The following CADM2 variants were observed in gnomAD, a reference collection of about 807,000 sequenced individuals.
The protein encoded by CADM2 is immunoglobulin superfamily member 4D.
A neutral mutation model predicts 49.8 loss-of-function variants in CADM2; 12 were observed. The observed-to-expected ratio is 0.24, with a 90% CI of 0.15 to 0.39. The LOEUF (loss-of-function observed/expected upper bound fraction) is 0.39. CADM2 is among the 10% of genes least tolerant of loss of function. The pLI is 1.00. For missense variants in CADM2, 378 were observed against 492.3 expected (o/e 0.77, Z 2.20); for synonymous variants, 214 against 175.4 (o/e 1.22, Z -1.74).
chr3:85,781,673 C>G (rs1218513908), intron 2 of CADM2, among the ~76,000 whole-genome samples: 1 of 152,050 alleles, frequency 6.6e-6, no homozygotes, highest in Non-Finnish European at 1.5e-5. Flanking sequence ...TTTGTTTAAC[C>G]AAAGACTGTT....
intron 1 of CADM2, among the ~76,000 whole-genome samples, chr3:85,234,659 TG>T (rs2042372285): frequency 6.6e-6 from 1 of 152,150 alleles, no homozygotes; most frequent in Non-Finnish European, 1.5e-5. Flanking sequence ...AATAGACACG[TG>T]GTAAATACTG....
chr3:85,425,404 TAC>T (rs1298117797), intron 1 of CADM2, among the ~76,000 whole-genome samples: 1 of 152,206 alleles, frequency 6.6e-6, no homozygotes, highest in African/African-American at 2.4e-5. Context: ...ATTTATGGGC[TAC>T]ACAGTGTTAT....
chr3:85,487,642 G>GGAGGAGGAGGACGAA (rs2107639434), intron 1 of CADM2, among the ~76,000 whole-genome samples: 1 of 76,430 alleles, frequency 1.3e-5, no homozygotes, highest in Non-Finnish European at 3.6e-5. Flanking sequence ...AGGACGAAGA[G>GGAGGAGGAGGACGAA]GAGGAGGAGG....
intron 1 of CADM2, among the ~76,000 whole-genome samples, chr3:85,695,354 C>T (rs1221470394): frequency 2.6e-5 from 4 of 151,968 alleles, no homozygotes; most frequent in Non-Finnish European, 5.9e-5. Context: ...CCATCTGAGT[C>T]TCCAATGTCC....
chr3:85,767,034 T>A (rs1462327529), intron 2 of CADM2, among the ~76,000 whole-genome samples: 1 of 152,220 alleles, frequency 6.6e-6, no homozygotes, highest in East Asian at 1.9e-4. Context: ...TTATCTACTA[T>A]TGTACCATAT....
intron 3 of CADM2, among the ~76,000 whole-genome samples, chr3:85,840,591 C>T (rs2074599572): frequency 6.6e-6 from 1 of 151,828 alleles, no homozygotes; most frequent in Non-Finnish European, 1.5e-5. Context: ...ATTCACACTC[C>T]ATGTATTCAA....
chr3:85,051,000 C>T (rs2035861749), intron 1 of CADM2, among the ~76,000 whole-genome samples: 1 of 152,114 alleles, frequency 6.6e-6, no homozygotes, highest in Admixed American at 6.6e-5. Context: ...GCCTGCCAGC[C>T]TGCTTCATGC....
intron 1 of CADM2, among the ~76,000 whole-genome samples, chr3:85,613,972 T>G (rs1436012617): frequency 1.3e-5 from 2 of 151,706 alleles, no homozygotes; most frequent in East Asian, 1.9e-4. Context: ...TTCATTTATT[T>G]AATGTATTTT....
At chr3:85,428,795 C>T (rs1032322059) in intron 1 of CADM2, among the ~76,000 whole-genome samples, 4 of 150,716 alleles carry the variant, frequency 2.7e-5, no homozygotes, top group Admixed American at 6.7e-5. Context: ...ATCCATTATC[C>T]ATTTCGTCTT....
At chr3:85,164,012 A>G (rs1436369430) in intron 1 of CADM2, among the ~76,000 whole-genome samples, 1 of 152,068 alleles carries the variant, frequency 6.6e-6, no homozygotes, top group Non-Finnish European at 1.5e-5. Flanking sequence ...TGTCCAGAAT[A>G]GAAATGACTT....
intron 2 of CADM2, among the ~76,000 whole-genome samples, chr3:85,775,858 A>G (rs2070334263): frequency 6.6e-6 from 1 of 151,942 alleles, no homozygotes; most frequent in Admixed American, 6.6e-5. Flanking sequence ...ATTAGGTACT[A>G]AATTACCTTT....
intron 2 of CADM2, among the ~76,000 whole-genome samples, chr3:85,757,201 A>G: frequency 6.6e-6 from 1 of 152,180 alleles, no homozygotes; most frequent in East Asian, 1.9e-4. Context: ...GAAGAAATTA[A>G]CATTTGCAAT....
chr3:85,658,959 G>A (rs1223060683), intron 1 of CADM2, among the ~76,000 whole-genome samples: 1 of 150,786 alleles, frequency 6.6e-6, no homozygotes, highest in Non-Finnish European at 1.5e-5. Flanking sequence ...GGCTGTGGCA[G>A]GAAGATCAAT....
chr3:85,573,285 C>CG (rs1312023512), intron 1 of CADM2, among the ~76,000 whole-genome samples: 1 of 151,756 alleles, frequency 6.6e-6, no homozygotes, highest in African/African-American at 2.4e-5. Flanking sequence ...CTCTGCTTCC[C>CG]GGGTTCAAGT....
At chr3:85,527,334 C>A (rs1191553428) in intron 1 of CADM2, among the ~76,000 whole-genome samples, 1 of 150,670 alleles carries the variant, frequency 6.6e-6, no homozygotes, top group Non-Finnish European at 1.5e-5. Flanking sequence ...TTGGAGCCTA[C>A]AGTGAGCTAT....
intron 1 of CADM2, among the ~76,000 whole-genome samples, chr3:85,341,422 G>A (rs762924609): frequency 1.3e-4 from 20 of 151,814 alleles, no homozygotes; most frequent in Non-Finnish European, 2.7e-4. Context: ...AATGGTTAGG[G>A]TAACATCTGT....
At chr3:85,714,115 A>G (rs1012908495) in intron 1 of CADM2, among the ~76,000 whole-genome samples, 1 of 152,208 alleles carries the variant, frequency 6.6e-6, no homozygotes, top group Admixed American at 6.5e-5. Flanking sequence ...CTTCCTTTGG[A>G]TCTCCTGGGA....
chr3:85,781,411 C>G (rs186743295), intron 2 of CADM2, among the ~76,000 whole-genome samples: 5 of 152,244 alleles, frequency 3.3e-5, no homozygotes, highest in African/African-American at 1.2e-4. Context: ...TTTCATAACA[C>G]CCTATTTCTG....
At chr3:86,025,730 C>A (rs956967134) in intron 8 of CADM2, among the ~76,000 whole-genome samples, 6 of 152,064 alleles carry the variant, frequency 3.9e-5, no homozygotes, top group African/African-American at 1.4e-4. Context: ...ACAAATATGA[C>A]TTTTATTGCA....
Sources: gnomAD v4.1 joint callset for allele counts (sites outside exome capture counted in the v4.1 genomes callset) on GRCh38, gnomAD v4.1.1 for gene constraint, MANE v1.5 for transcripts, NCBI Gene and HGNC (gene_info 2026-07-23, HGNC 2026-07-21) for gene names.